FAM171A1: variants seen among roughly 807,000 people sequenced by gnomAD.
The protein encoded by FAM171A1 is family with sequence similarity 171 member A1, also known as protein FAM171A1.
Under a neutral mutation model 74.9 loss-of-function variants are expected in FAM171A1, and 23 were observed. The ratio of observed to expected loss-of-function variants is 0.31; its 90% CI spans 0.22 to 0.44. The LOEUF is 0.44. Among genes scored for constraint, FAM171A1 ranks in the 20% least tolerant of loss-of-function variants. The pLI is 1.00. For synonymous variants in FAM171A1, 527 were observed against 505.7 expected, an observed-to-expected ratio of 1.04 and a Z score of -0.57; for missense variants, 1,162 against 1,159.2, an observed-to-expected ratio of 1.00 and a Z score of -0.03.
intron 5 of FAM171A1, among the ~76,000 whole-genome samples, chr10:15,231,578 C>T (rs1274534555): frequency 2.0e-5 from 3 of 151,906 alleles, no homozygotes; most frequent in Non-Finnish European, 4.4e-5. Flanking sequence ...AGTAGCAACG[C>T]CTCTCTAAAT....
chr10:15,299,687 A>T (rs890383253), intron 1 of FAM171A1, among the ~76,000 whole-genome samples: 4 of 151,100 alleles, frequency 2.6e-5, no homozygotes, highest in African/African-American at 7.3e-5. Flanking sequence ...TTTTAGAATT[A>T]AAAAAAAATG....
intron 1 of FAM171A1, among the ~76,000 whole-genome samples, chr10:15,292,360 T>C (rs1480955915): frequency 2.0e-5 from 3 of 152,212 alleles, no homozygotes; most frequent in Non-Finnish European, 4.4e-5. Context: ...AAGTTTCAAA[T>C]AGTGTCATCT....
At chr10:15,318,299 C>T (rs559498152) in intron 1 of FAM171A1, among the ~76,000 whole-genome samples, 71 of 152,312 alleles carry the variant, frequency 4.7e-4, no homozygotes, top group Non-Finnish European at 9.4e-4. Context: ...GAAAGAGATT[C>T]GGGAATCCTC....
At chr10:15,298,921 T>C (rs1835193785) in intron 1 of FAM171A1, among the ~76,000 whole-genome samples, 1 of 152,148 alleles carries the variant, frequency 6.6e-6, no homozygotes, top group Non-Finnish European at 1.5e-5. Flanking sequence ...ATTGGTATTT[T>C]ATTTACTTAT....
At chr10:15,305,629 T>C (rs571028668) in intron 1 of FAM171A1, among the ~76,000 whole-genome samples, 1 of 124,144 alleles carries the variant, frequency 8.1e-6, no homozygotes, top group South Asian at 2.8e-4. Context: ...ATCATACCAC[T>C]GTACTCCAGC....
At position 15,355,602 on chromosome 10, in the gene FAM171A1, C is replaced by T. The variant is rs573417225; in HGVS notation, c.97+15354G>A. On this transcript the variant is annotated intron_variant, in intron 1 of 7. Coordinates refer to ENST00000378116, the MANE Select transcript of FAM171A1 (RefSeq NM_001010924.2). ...GCATGGTGGTGTGCACCTGTAGTCC[C>T]AGCTACTTGAGACTGGATTCCTGAA... Among the ~76,000 whole-genome samples, 15 of 152,162 alleles carry T rather than the reference C, an allele frequency of 9.9e-5. No individual in the cohort carries two copies. In the East Asian group the frequency reaches 1.2e-3, roughly 12 times the overall value.
intron 1 of FAM171A1, among the ~76,000 whole-genome samples, chr10:15,298,059 C>T (rs1474250019): frequency 6.6e-6 from 1 of 152,156 alleles, no homozygotes; most frequent in Non-Finnish European, 1.5e-5. Flanking sequence ...AATCTTCCTA[C>T]AATCTCATCT....
intron 1 of FAM171A1, among the ~76,000 whole-genome samples, chr10:15,369,768 AG>A (rs1226708007): frequency 6.6e-6 from 1 of 152,224 alleles, no homozygotes; most frequent in Non-Finnish European, 1.5e-5. Context: ...AGCCGAGGAA[AG>A]GGGGTTCCAG....
chr10:15,257,396 G>A (rs1459366636), intron 3 of FAM171A1, among the ~76,000 whole-genome samples: 2 of 152,164 alleles, frequency 1.3e-5, no homozygotes, highest in African/African-American at 2.4e-5. Context: ...ACTGGCCTGG[G>A]ACCCAGAGAA....
chr10:15,291,903 C>T (rs991295901), intron 1 of FAM171A1, among the ~76,000 whole-genome samples: 1 of 152,180 alleles, frequency 6.6e-6, no homozygotes, highest in African/African-American at 2.4e-5. Context: ...ATGAGGCTAT[C>T]CTATCACTGT....
intron 1 of FAM171A1, among the ~76,000 whole-genome samples, chr10:15,327,558 G>A (rs1294174859): frequency 6.6e-6 from 1 of 152,156 alleles, no homozygotes; most frequent in East Asian, 1.9e-4. Context: ...GGCTGAGGCA[G>A]GAGGATCACC....
chr10:15,322,092 C>A (rs1027671528), intron 1 of FAM171A1, among the ~76,000 whole-genome samples: 3 of 152,162 alleles, frequency 2.0e-5, no homozygotes, highest in Non-Finnish European at 2.9e-5. Context: ...TAACCTCAGG[C>A]CCGATACAAG....
chr10:15,244,363 C>T (rs940683152), intron 5 of FAM171A1, among the ~76,000 whole-genome samples: 11 of 151,836 alleles, frequency 7.2e-5, no homozygotes, highest in Non-Finnish European at 1.5e-4. Context: ...TCAAAAAAGC[C>T]CCCCAAATTA....
chr10:15,246,905 C>A (rs1427318303), intron 5 of FAM171A1, among the ~76,000 whole-genome samples: 2 of 152,228 alleles, frequency 1.3e-5, no homozygotes, highest in Non-Finnish European at 2.9e-5. Context: ...AGACCCTCAG[C>A]CCGAGCACAT....
chr10:15,251,222 C>G (rs754659835), intron 4 of FAM171A1, among the ~76,000 whole-genome samples: 8 of 152,168 alleles, frequency 5.3e-5, no homozygotes, highest in Admixed American at 2.0e-4. Flanking sequence ...CAGCAATGTG[C>G]ATTAGGTTCA....
At position 15,212,696 on chromosome 10, in the gene FAM171A1, C is replaced by A. The variant is rs956461442; in HGVS notation, c.*219G>T. On this transcript the variant is annotated 3_prime_UTR_variant, in exon 8 of 8. Coordinates refer to ENST00000378116, the MANE Select transcript of FAM171A1 (RefSeq NM_001010924.2). ...GACATCTGGACACCACTTTCAGCCA[C>A]CTCCTTGCAGGGGCGACATCCGCCA... 6.1e-6 allele frequency: 4 copies of A among 653,230 alleles called. No homozygotes were observed. Among genetic ancestry groups the A allele is most frequent in the Admixed American group, 6.7e-5 (2 of 29,790 alleles). The allele number at this position is 653,230 out of a possible 1,614,324, so 40.5% of individuals were successfully genotyped here. A position where few individuals can be genotyped will look rare whatever the true frequency, so the allele number is the denominator to read the frequency against.
intron 1 of FAM171A1, among the ~76,000 whole-genome samples, chr10:15,309,930 G>C (rs1835340937): frequency 6.6e-6 from 1 of 152,156 alleles, no homozygotes; most frequent in African/African-American, 2.4e-5. Context: ...GAACACAAAA[G>C]ATATGTTTAA....
intron 1 of FAM171A1, among the ~76,000 whole-genome samples, chr10:15,318,310 C>T (rs1034094409): frequency 6.6e-6 from 1 of 152,142 alleles, no homozygotes; most frequent in African/African-American, 2.4e-5. Flanking sequence ...GGGAATCCTC[C>T]CAGGTGGAGC....
chr10:15,244,799 G>A (rs368430337), intron 5 of FAM171A1, among the ~76,000 whole-genome samples: 22 of 152,196 alleles, frequency 1.4e-4, no homozygotes, highest in East Asian at 1.2e-3. Flanking sequence ...ACTGGCACCC[G>A]CATACCGTGC....
Sources: gnomAD v4.1 joint callset for allele counts (sites outside exome capture counted in the v4.1 genomes callset) on GRCh38, gnomAD v4.1.1 for gene constraint, MANE v1.5 for transcripts, NCBI Gene and HGNC (gene_info 2026-07-23, HGNC 2026-07-21) for gene names.